The following CSNK1G1 variants were observed in gnomAD, a reference collection of about 807,000 sequenced individuals.
CSNK1G1 encodes casein kinase 1 gamma 1, also known as casein kinase I isoform gamma-1.
In CSNK1G1, 22 loss-of-function variants were observed where a neutral mutation model predicts 59.6. That is an observed-to-expected ratio of 0.37 (90% CI 0.26 to 0.53). The LOEUF (loss-of-function observed/expected upper bound fraction) is 0.53. Among genes scored for constraint, CSNK1G1 ranks in the 20% least tolerant of loss-of-function variants. The pLI is 0.89. For synonymous variants in CSNK1G1, 179 were observed against 177.1 expected, an observed-to-expected ratio of 1.01 and a Z score of -0.08; for missense variants, 384 against 519.5, an observed-to-expected ratio of 0.74 and a Z score of 2.54.
At chr15:64,175,145 T>C (rs2081727008) in intron 11 of CSNK1G1, among the ~76,000 whole-genome samples, 1 of 151,952 alleles carries the variant, frequency 6.6e-6, no homozygotes, top group African/African-American at 2.4e-5. Flanking sequence ...CAGACACATG[T>C]TTGCAAAACA....
At chr15:64,235,344 A>T (rs942658418) in intron 4 of CSNK1G1, among the ~76,000 whole-genome samples, 17 of 152,192 alleles carry the variant, frequency 1.1e-4, no homozygotes, top group African/African-American at 3.9e-4. Flanking sequence ...AACATTTTTT[A>T]TTGGCTTGTT....
At chr15:64,199,920 G>T (rs775996776) in intron 10 of CSNK1G1, among the ~76,000 whole-genome samples, 2 of 151,966 alleles carry the variant, frequency 1.3e-5, no homozygotes, top group Non-Finnish European at 2.9e-5. Context: ...AGGTAAAAAA[G>T]AATTTTAAAA....
intron 1 of CSNK1G1, among the ~76,000 whole-genome samples, chr15:64,353,903 A>T (rs370336154): frequency 4.6e-5 from 7 of 152,208 alleles, no homozygotes; most frequent in African/African-American, 1.7e-4. Flanking sequence ...GAATGATTTA[A>T]AGGCAGAAAT....
intron 1 of CSNK1G1, among the ~76,000 whole-genome samples, chr15:64,314,535 A>C (rs886311835): frequency 2.0e-5 from 3 of 150,820 alleles, no homozygotes; most frequent in African/African-American, 7.3e-5. Flanking sequence ...AATGTACAAA[A>C]ACTATCTTCA....
chr15:64,270,702 G>A (rs1419317043), intron 2 of CSNK1G1, among the ~76,000 whole-genome samples: 1 of 151,214 alleles, frequency 6.6e-6, no homozygotes, highest in Non-Finnish European at 1.5e-5. Context: ...GGAGCTTGCA[G>A]TGAGCAGAGA....
intron 1 of CSNK1G1, among the ~76,000 whole-genome samples, chr15:64,314,901 A>G (rs114845101): frequency 1.0e-3 from 154 of 152,270 alleles, no homozygotes; most frequent in African/African-American, 3.6e-3. Flanking sequence ...GGTTGATTCC[A>G]TAACTTGGCT....
chr15:64,257,121 T>C (rs889741340), intron 3 of CSNK1G1, among the ~76,000 whole-genome samples: 2 of 151,630 alleles, frequency 1.3e-5, no homozygotes, highest in African/African-American at 2.4e-5. Flanking sequence ...GAAAGAGAAA[T>C]GCGGTACTGA....
At chr15:64,240,782 C>A (rs1055016379) in intron 4 of CSNK1G1, among the ~76,000 whole-genome samples, 2 of 152,176 alleles carry the variant, frequency 1.3e-5, no homozygotes, top group African/African-American at 2.4e-5. Context: ...AAGAAATGCT[C>A]AAGAGAATCC....
intron 10 of CSNK1G1, among the ~76,000 whole-genome samples, chr15:64,186,971 C>T (rs779709333): frequency 2.0e-5 from 3 of 151,630 alleles, no homozygotes; most frequent in South Asian, 2.1e-4. Context: ...TATAGGCATG[C>T]GCCACCATGC....
intron 2 of CSNK1G1, among the ~76,000 whole-genome samples, chr15:64,281,825 A>C (rs1894155036): frequency 1.3e-5 from 2 of 151,816 alleles, no homozygotes; most frequent in Admixed American, 1.3e-4. Context: ...GAAAAGAAAA[A>C]GTTCTAGAGA....
At chr15:64,222,337 T>A (rs1281941100) in intron 4 of CSNK1G1, among the ~76,000 whole-genome samples, 1 of 149,716 alleles carries the variant, frequency 6.7e-6, no homozygotes, top group Non-Finnish European at 1.5e-5. Context: ...CACACCACCA[T>A]GGCACACATG....
intron 2 of CSNK1G1, among the ~76,000 whole-genome samples, chr15:64,300,033 CAG>C (rs1278196924): frequency 2.0e-5 from 3 of 152,110 alleles, no homozygotes; most frequent in Non-Finnish European, 2.9e-5. Context: ...CATCCTAAAT[CAG>C]AGTCTGCATT....
intron 1 of CSNK1G1, among the ~76,000 whole-genome samples, chr15:64,349,205 A>C (rs72758911): frequency 0.044 from 6,694 of 151,902 alleles, 193 homozygotes; most frequent in South Asian, 0.085. Flanking sequence ...AGTCGTAAAT[A>C]CCCCTTTTTA....
At chr15:64,330,736 G>C (rs1175490112) in intron 1 of CSNK1G1, among the ~76,000 whole-genome samples, 11 of 68,022 alleles carry the variant, frequency 1.6e-4, no homozygotes, top group African/African-American at 6.6e-4. Context: ...AAGTCAAATT[G>C]TCCCTGTTTG....
In CSNK1G1 at chr15:64,188,387, C is replaced by G; in HGVS notation, c.1108-7933G>C. On this transcript the variant is annotated intron_variant, in intron 10 of 11. Transcript: ENST00000303052. This position sits in a 1 kb window ranked among gnomAD's most constrained non-coding sequence, Gnocchi z 4.2. ...AGGCAGTAAATACCTGCACTGATCC[C>G]CCATGGCGGTCTGCAGCCAAGTGAG... is the stretch of plus-strand genomic sequence containing the variant. The G allele has an allele frequency of 6.5e-7, 1 of 1,535,960 alleles. No individual in the cohort carries two copies. The highest frequency in any genetic ancestry group is 2.0e-5 in the Admixed American group (1 of 50,992).
chr15:64,332,799 T>C (rs1249869262), intron 1 of CSNK1G1, among the ~76,000 whole-genome samples: 2 of 152,032 alleles, frequency 1.3e-5, no homozygotes, highest in Non-Finnish European at 2.9e-5. Context: ...GCAAAATATC[T>C]TACTTTTATG....
chr15:64,258,775 T>C (rs1395044194), intron 3 of CSNK1G1, among the ~76,000 whole-genome samples: 2 of 152,208 alleles, frequency 1.3e-5, no homozygotes, highest in East Asian at 1.9e-4. Flanking sequence ...ATGTTTTCCA[T>C]GCTTGACAGA....
intron 4 of CSNK1G1, among the ~76,000 whole-genome samples, chr15:64,230,807 C>T (rs905952951): frequency 1.3e-5 from 2 of 151,858 alleles, no homozygotes. Flanking sequence ...CCCGTCTCTA[C>T]TAAAAAATAC....
At chr15:64,333,433 CAAAAAAA>C (rs59451869) in intron 1 of CSNK1G1, among the ~76,000 whole-genome samples, 2 of 23,086 alleles carry the variant, frequency 8.7e-5, no homozygotes, top group South Asian at 4.1e-3. Context: ...GACACCATCT[CAAAAAAA>C]AAAAAAAAAA....
Sources: allele counts gnomAD v4.1 joint callset (sites outside exome capture counted in the v4.1 genomes callset), GRCh38; gene constraint gnomAD v4.1.1; non-coding constraint Gnocchi (gnomAD v3.1); transcripts MANE v1.5; gene names NCBI Gene and HGNC (gene_info 2026-07-23, HGNC 2026-07-21).